Variants in C1orf21 observed in about 807,000 individuals in gnomAD.
C1orf21 encodes the protein uncharacterized protein C1orf21.
C1orf21 carries 3 observed loss-of-function variants against 18.7 expected under a neutral mutation model. The ratio of observed to expected loss-of-function variants is 0.16; its 90% CI spans 0.07 to 0.42. C1orf21 has a LOEUF of 0.42. Ranked by LOEUF, C1orf21 falls within the 10% of genes least tolerant of loss-of-function variation. The pLI is 0.99. For synonymous variants in C1orf21, 41 were observed against 46.4 expected (o/e 0.88, Z 0.47); for missense variants, 104 against 143.6 (o/e 0.72, Z 1.41).
intron 1 of C1orf21, among the ~76,000 whole-genome samples, chr1:184,423,653 A>G (rs1462020092): frequency 6.6e-6 from 1 of 152,210 alleles, no homozygotes; most frequent in Non-Finnish European, 1.5e-5. Flanking sequence ...CACCCCTTAC[A>G]GATGGTTATC....
intron 5 of C1orf21, among the ~76,000 whole-genome samples, chr1:184,616,809 G>A (rs1659833960): frequency 6.6e-6 from 1 of 152,086 alleles, no homozygotes; most frequent in African/African-American, 2.4e-5. Flanking sequence ...ACTCCACATT[G>A]GCTGGCTGAG....
intron 3 of C1orf21, among the ~76,000 whole-genome samples, chr1:184,513,098 A>G (rs1658175051): frequency 6.6e-6 from 1 of 152,182 alleles, no homozygotes; most frequent in South Asian, 2.1e-4. Flanking sequence ...CCCCTTTGCC[A>G]CTTCACCCTG....
chr1:184,571,160 A>G (rs1027908149), intron 3 of C1orf21, among the ~76,000 whole-genome samples: 4 of 151,046 alleles, frequency 2.6e-5, no homozygotes, highest in South Asian at 2.1e-4. Flanking sequence ...AGCCGGGCGT[A>G]GTGGCGGGCG....
intron 1 of C1orf21, among the ~76,000 whole-genome samples, chr1:184,400,252 G>T (rs1036828905): frequency 5.9e-5 from 9 of 152,006 alleles, no homozygotes; most frequent in Admixed American, 2.6e-4. Flanking sequence ...GATCTTTTTA[G>T]TGGTAAACAG....
At position 184,435,517 on chromosome 1, in the gene C1orf21, A is replaced by G. The variant is rs149858518; in HGVS notation, c.-124-41869A>G. The stretch of plus-strand genomic sequence containing the variant: ...CACCACCATGCCCAGCTAATTTTTT[A>G]TGTTTAGTAGAGTTGGGGTTTCCCC... On this transcript the variant is annotated intron_variant, in intron 1 of 5. Transcript: ENST00000235307. Among the ~76,000 whole-genome samples, 216 of 151,992 alleles carry G rather than the reference A, an allele frequency of 1.4e-3. 1 individual carries two copies. In the East Asian group the frequency reaches 0.015, roughly 10 times the overall value.
chr1:184,538,083 A>G (rs897127206), intron 3 of C1orf21, among the ~76,000 whole-genome samples: 1 of 151,492 alleles, frequency 6.6e-6, no homozygotes, highest in African/African-American at 2.4e-5. Flanking sequence ...TCCCACCAAC[A>G]GTGTACAAGA....
Position 184,462,853 on chromosome 1 carries a change from G to A in C1orf21, c.-124-14533G>A, listed in dbSNP as rs1297426501. The stretch of plus-strand genomic sequence containing the variant: ...TCCCAGCACTTTGGGAGGCTGAGGT[G>A]GGCGGATCACCTGAGGTCAGGAGTT... On this transcript the variant is annotated intron_variant, in intron 1 of 5. Transcript: ENST00000235307. Among the ~76,000 whole-genome samples the A allele has an allele frequency of 2.0e-5, 3 of 151,944 alleles. No individual in the cohort carries two copies. In the East Asian group the frequency reaches 5.8e-4, roughly 29 times the overall value.
At chr1:184,586,095 A>G (rs186581164) in intron 3 of C1orf21, among the ~76,000 whole-genome samples, 20 of 152,294 alleles carry the variant, frequency 1.3e-4, no homozygotes, top group African/African-American at 4.6e-4. Context: ...ACAGTGTATA[A>G]GTCCACAACT....
intron 1 of C1orf21, among the ~76,000 whole-genome samples, chr1:184,432,113 G>A (rs1656774698): frequency 6.6e-6 from 1 of 152,182 alleles, no homozygotes; most frequent in Non-Finnish European, 1.5e-5. Context: ...AGACAGTGTG[G>A]CAATTCCTCA....
At chr1:184,587,762 C>A (rs1036239188) in intron 3 of C1orf21, among the ~76,000 whole-genome samples, 1 of 151,214 alleles carries the variant, frequency 6.6e-6, no homozygotes, top group Non-Finnish European at 1.5e-5. Context: ...ATTAGAGGCA[C>A]ACACCACCAT....
intron 3 of C1orf21, among the ~76,000 whole-genome samples, chr1:184,553,092 A>C (rs1480154600): frequency 6.6e-6 from 1 of 152,116 alleles, no homozygotes; most frequent in Non-Finnish European, 1.5e-5. Flanking sequence ...CAGGGCCCTC[A>C]AGTCTAATGA....
chr1:184,580,640 C>T (rs1028699217), intron 3 of C1orf21, among the ~76,000 whole-genome samples: 6 of 152,202 alleles, frequency 3.9e-5, no homozygotes, highest in Non-Finnish European at 7.3e-5. Context: ...GGGACGTTGT[C>T]CCCATAAACT....
Position 184,619,637 on chromosome 1 carries a change from T to C in C1orf21, c.*81T>C, listed in dbSNP as rs1164093234. ...AGTTGAAATCTTTGCAAAGGTCGGT[T>C]CTATTCAGCGAACAGCACTATAGCA... On this transcript the variant is annotated 3_prime_UTR_variant, in exon 6 of 6. Transcript: ENST00000235307. The C allele has an allele frequency of 3.7e-6, 5 of 1,358,310 alleles. No homozygotes were observed. The highest frequency in any genetic ancestry group is 2.0e-5 in the Admixed American group (1 of 50,878). The allele number at this position is 1,358,310 out of a possible 1,614,324, so 84.1% of individuals were successfully genotyped here. A position where few individuals can be genotyped will look rare whatever the true frequency, so the allele number is the denominator to read the frequency against.
chr1:184,577,953 G>GTTTTTTTTTTTTT (rs1257021237), intron 3 of C1orf21, among the ~76,000 whole-genome samples: 2 of 108,944 alleles, frequency 1.8e-5, no homozygotes, highest in Non-Finnish European at 3.8e-5. Context: ...TTTTGTTTTT[G>GTTTTTTTTTTTTT]TTTTTTTTTT....
chr1:184,457,208 A>G (rs1172100710), intron 1 of C1orf21, among the ~76,000 whole-genome samples: 1 of 152,218 alleles, frequency 6.6e-6, no homozygotes, highest in Non-Finnish European at 1.5e-5. Flanking sequence ...TTGAGGACAT[A>G]GAAGTGACTA....
intron 4 of C1orf21, among the ~76,000 whole-genome samples, chr1:184,595,031 T>A (rs1659494258): frequency 6.6e-6 from 1 of 151,958 alleles, no homozygotes; most frequent in Admixed American, 6.6e-5. Context: ...GGAAGAAGAG[T>A]GTTTGAGGGT....
At chr1:184,502,473 A>C (rs1486883269) in intron 2 of C1orf21, among the ~76,000 whole-genome samples, 1 of 152,092 alleles carries the variant, frequency 6.6e-6, no homozygotes, top group Non-Finnish European at 1.5e-5. Flanking sequence ...CCAAGCAATA[A>C]TAAGCACCAC....
chr1:184,576,081 T>G (rs1659185194), intron 3 of C1orf21, among the ~76,000 whole-genome samples: 1 of 152,044 alleles, frequency 6.6e-6, no homozygotes, highest in African/African-American at 2.4e-5. Flanking sequence ...AACCAACATA[T>G]CACTTTTCTG....
At chr1:184,563,181 C>T (rs1393061892) in intron 3 of C1orf21, among the ~76,000 whole-genome samples, 1 of 152,202 alleles carries the variant, frequency 6.6e-6, no homozygotes, top group Non-Finnish European at 1.5e-5. Flanking sequence ...ATCTTACCAT[C>T]ATCAATAATG....
Sources: gnomAD v4.1 joint callset for allele counts (sites outside exome capture counted in the v4.1 genomes callset) on GRCh38, gnomAD v4.1.1 for gene constraint, MANE v1.5 for transcripts, NCBI Gene and HGNC (gene_info 2026-07-23, HGNC 2026-07-21) for gene names.